EYA1: variants seen among roughly 807,000 people sequenced by gnomAD.
EYA1 encodes the protein protein phosphatase EYA1.
Under a neutral mutation model 82.0 loss-of-function variants are expected in EYA1, and 16 were observed. The ratio of observed to expected loss-of-function variants is 0.20; its 90% CI spans 0.13 to 0.30. The LOEUF is 0.30. EYA1 is among the 10% of genes least tolerant of loss of function. The pLI is 1.00. For synonymous variants in EYA1, 261 were observed against 264.4 expected (o/e 0.99, Z 0.12); for missense variants, 633 against 730.7 (o/e 0.87, Z 1.54).
At chr8:71,211,892 T>C (rs1585791994) in intron 16 of EYA1, among the ~76,000 whole-genome samples, 1 of 152,216 alleles carries the variant, frequency 6.6e-6, no homozygotes, top group African/African-American at 2.4e-5. Context: ...AGATGGTACC[T>C]GCCTTACCCA....
At chr8:71,283,846 GCTT>G (rs1586173197) in intron 9 of EYA1, among the ~76,000 whole-genome samples, 1 of 152,130 alleles carries the variant, frequency 6.6e-6, no homozygotes, top group Non-Finnish European at 1.5e-5. Context: ...AGAGAACAGG[GCTT>G]CTTCTAGGTT....
intron 3 of EYA1, among the ~76,000 whole-genome samples, chr8:71,343,456 G>A (rs1825372947): frequency 1.3e-5 from 2 of 152,110 alleles, no homozygotes; most frequent in African/African-American, 4.8e-5. Context: ...TGGACTAATG[G>A]GTTCATGGAT....
chr8:71,210,618 A>G (rs1808389076), intron 17 of EYA1, among the ~76,000 whole-genome samples: 2 of 152,228 alleles, frequency 1.3e-5, no homozygotes, highest in African/African-American at 4.8e-5. Flanking sequence ...GCGGGAGTCA[A>G]GAGATTTATA....
At chr8:71,537,044 T>A (rs548145451) in intron 1 of EYA1, among the ~76,000 whole-genome samples, 1 of 152,234 alleles carries the variant, frequency 6.6e-6, no homozygotes, top group Non-Finnish European at 1.5e-5. Context: ...GGTAAAATAT[T>A]CCAAGCATGG....
chr8:71,536,294 G>C (rs565930486), intron 1 of EYA1, among the ~76,000 whole-genome samples: 3 of 152,260 alleles, frequency 2.0e-5, no homozygotes, highest in African/African-American at 7.2e-5. Context: ...TCTGAACAAG[G>C]ATGAAAGAGA....
chr8:71,277,115 A>ATTTTT lies in EYA1; in HGVS notation c.827-5223_827-5219dup, dbSNP rs9298167. On this transcript the variant is annotated intron_variant, in intron 9 of 17. Transcript: ENST00000340726. The stretch of plus-strand genomic sequence containing the variant: ...GCCATGCTATTTCATGGCTTCACAC[A>ATTTTT]TTTTTTTTTTTTTTTTTTTTTTTTT... Among the ~76,000 whole-genome samples the ATTTTT allele has an allele frequency of 1.2e-3, 96 of 76,936 alleles. 1 individual carries two copies. Among genetic ancestry groups the ATTTTT allele is most frequent in the African/African-American group, 2.1e-3 (40 of 18,774 alleles). The allele number at this position is 76,936 out of a possible 152,430, so 50.5% of individuals were successfully genotyped here.
intron 1 of EYA1, among the ~76,000 whole-genome samples, chr8:71,546,497 T>G (rs1415794184): frequency 6.7e-6 from 1 of 149,322 alleles, no homozygotes; most frequent in Non-Finnish European, 1.5e-5. Context: ...AGTAGACACT[T>G]TCTACTGATT....
At chr8:71,524,395 A>G (rs1813655828) in intron 2 of EYA1, among the ~76,000 whole-genome samples, 1 of 152,252 alleles carries the variant, frequency 6.6e-6, no homozygotes, top group African/African-American at 2.4e-5. Context: ...TTTTTTAAAT[A>G]GAAATTAGAA....
chr8:71,428,023 C>T (rs990688291), intron 2 of EYA1, among the ~76,000 whole-genome samples: 3 of 151,122 alleles, frequency 2.0e-5, no homozygotes, highest in African/African-American at 7.3e-5. Context: ...TTAATATTTT[C>T]ATATGGGTGA....
chr8:71,215,815 T>C (rs1809123133), intron 14 of EYA1, 87 bp from the exon 15 acceptor site: 1 of 817,262 alleles, frequency 1.2e-6, no homozygotes, highest in Admixed American at 2.0e-5. Context: ...AAAAGTACTA[T>C]GAATACCAGC....
At chr8:71,277,134 T>G (rs1446251798) in intron 9 of EYA1, among the ~76,000 whole-genome samples, 1 of 140,524 alleles carries the variant, frequency 7.1e-6, no homozygotes, top group South Asian at 2.4e-4. Flanking sequence ...TTTTTTTTTT[T>G]TTTTTTTTTT....
chr8:71,248,899 T>C (rs1328654087), intron 11 of EYA1, among the ~76,000 whole-genome samples: 2 of 152,242 alleles, frequency 1.3e-5, no homozygotes, highest in African/African-American at 4.8e-5. Context: ...AAACACGTTC[T>C]TAAACCAAAA....
chr8:71,241,378 T>C (rs944329378), intron 12 of EYA1, among the ~76,000 whole-genome samples: 3 of 152,172 alleles, frequency 2.0e-5, no homozygotes, highest in Admixed American at 6.5e-5. Flanking sequence ...AATTATACCT[T>C]AAATTTTCTA....
At chr8:71,400,538 CACA>C (rs142829162) in intron 2 of EYA1, among the ~76,000 whole-genome samples, 38,186 of 151,864 alleles carry the variant, frequency 0.25, 4,885 homozygotes, top group Middle Eastern at 0.33. Context: ...ATGAAAAAAG[CACA>C]ACATCACTGA....
chr8:71,543,959 G>A (rs912981560), intron 1 of EYA1, among the ~76,000 whole-genome samples: 10 of 152,050 alleles, frequency 6.6e-5, no homozygotes, highest in African/African-American at 2.4e-4. Context: ...CTCATTTCCT[G>A]GATGCTGACT....
intron 2 of EYA1, among the ~76,000 whole-genome samples, chr8:71,452,848 T>C (rs1482836536): frequency 6.6e-6 from 1 of 152,168 alleles, no homozygotes; most frequent in Non-Finnish European, 1.5e-5. Context: ...CTGAAAATTC[T>C]AAATTCAGAG....
chr8:71,318,205 G>A (rs916198042), intron 6 of EYA1, among the ~76,000 whole-genome samples: 2 of 151,934 alleles, frequency 1.3e-5, no homozygotes, highest in African/African-American at 2.4e-5. Flanking sequence ...TCATTTTGAA[G>A]TCCAAAGAAG....
At position 71,233,650 on chromosome 8, in the gene EYA1, C is replaced by T. The variant is rs115222173; in HGVS notation, c.1140+10953G>A. Reference sequence around the variant, plus strand: ...TTTTTTAATCCCCAAACTGGAACCACGCTGCATATCATTTTATAACATACC... The same window carrying T: ...TTTTTTAATCCCCAAACTGGAACCATGCTGCATATCATTTTATAACATACC... On this transcript the variant is annotated intron_variant, in intron 12 of 17. Coordinates refer to ENST00000340726, the MANE Select transcript of EYA1 (RefSeq NM_000503.6). Among the ~76,000 whole-genome samples, 704 of 151,916 alleles carry T rather than the reference C, an allele frequency of 4.6e-3. 5 individuals are homozygous for T. Among genetic ancestry groups the T allele is most frequent in the African/African-American group, 0.016 (665 of 41,426 alleles).
At chr8:71,439,593 G>T (rs548419792) in intron 2 of EYA1, among the ~76,000 whole-genome samples, 1 of 152,302 alleles carries the variant, frequency 6.6e-6, no homozygotes, top group South Asian at 2.1e-4. Flanking sequence ...CATAATTTCC[G>T]CCATTCATGG....
Sources: allele counts gnomAD v4.1 joint callset (sites outside exome capture counted in the v4.1 genomes callset), GRCh38; gene constraint gnomAD v4.1.1; transcripts MANE v1.5; gene names NCBI Gene and HGNC (gene_info 2026-07-23, HGNC 2026-07-21).